DPH6: variants seen among roughly 807,000 people sequenced by gnomAD.
The protein encoded by DPH6 is diphthamine biosynthesis 6.
In DPH6, 33 loss-of-function variants were observed where a neutral mutation model predicts 38.2. The observed-to-expected ratio is 0.86, with a 90% CI of 0.65 to 1.15. The LOEUF is 1.15. DPH6 is among the 50% of genes most tolerant of loss of function. DPH6 has a pLI of 0.00. For synonymous variants in DPH6, 108 were observed against 103.0 expected, an observed-to-expected ratio of 1.05 and a Z score of -0.30; for missense variants, 325 against 320.0, an observed-to-expected ratio of 1.02 and a Z score of -0.12.
the DPH6 span, among the ~76,000 whole-genome samples, chr15:35,149,990 G>A: frequency 1.3e-5 from 2 of 152,252 alleles, no homozygotes; most frequent in African/African-American, 2.4e-5. Context: ...ATGCGATCCC[G>A]ATGCTTGTTC....
chr15:35,498,548 C>A (rs1291102489), intron 3 of DPH6, among the ~76,000 whole-genome samples: 1 of 152,128 alleles, frequency 6.6e-6, no homozygotes, highest in Non-Finnish European at 1.5e-5. Context: ...ACACCTCCCC[C>A]ACTTCCCAGA....
At chr15:35,513,057 G>T in intron 3 of DPH6, among the ~76,000 whole-genome samples, 1 of 151,666 alleles carries the variant, frequency 6.6e-6, no homozygotes, top group South Asian at 2.1e-4. Context: ...AGATTTTCAC[G>T]GCATAGAAAA....
chr15:35,281,813 C>G (rs77269476), intron 3 of DPH6, among the ~76,000 whole-genome samples: 92 of 152,318 alleles, frequency 6.0e-4, no homozygotes, highest in Non-Finnish European at 1.2e-3. Flanking sequence ...GAGATATCTA[C>G]CGTAGATACC....
chr15:35,391,001 G>C (rs1183562735), intron 6 of DPH6, among the ~76,000 whole-genome samples: 2 of 152,190 alleles, frequency 1.3e-5, no homozygotes, highest in Non-Finnish European at 2.9e-5. Flanking sequence ...TGATGATGGT[G>C]ACGTACAGAT....
rs2051596131 is a variant in DPH6, at chr15:35,241,216, C to CTCTGT, written n.201-20635_201-20634insACAGA. On this transcript the variant is annotated intron_variant and non_coding_transcript_variant, in intron 3 of 3. Coordinates refer to the DPH6 transcript ENST00000560386. ...CCAAGGCTCTCTGACTGACTCCTTC[C>CTCTGT]CAGATCTTCTCGGCTTAGCAGCTGA... Among the ~76,000 whole-genome samples the CTCTGT allele has an allele frequency of 1.4e-5, 2 of 143,860 alleles. 1 individual carries two copies. The highest frequency in any genetic ancestry group is 1.5e-4 in the Admixed American group (2 of 13,358). 94.4% of individuals were successfully genotyped at this position (143,860 alleles called of 152,430 possible).
At chr15:35,532,883 C>T (rs2055108804) in intron 3 of DPH6, among the ~76,000 whole-genome samples, 1 of 151,960 alleles carries the variant, frequency 6.6e-6, no homozygotes, top group South Asian at 2.1e-4. Flanking sequence ...GCAGGCAGAT[C>T]ACCTGAAGTC....
downstream of DPH6, among the ~76,000 whole-genome samples, chr15:35,217,115 G>A (rs555633376): frequency 4.3e-4 from 65 of 152,200 alleles, no homozygotes; most frequent in African/African-American, 1.4e-3. Context: ...AGTAGAGGAG[G>A]ACAAATAGAA....
rs1349511737 is a variant in DPH6 at position 35,374,253 on chromosome 15, A to G, written c.663-645T>C. On this transcript the variant is annotated intron_variant, in intron 7 of 8. Coordinates refer to ENST00000256538, the MANE Select transcript of DPH6 (RefSeq NM_080650.4). ...TAACTAAGATTATGTGTAAAGTTCT[A>G]ATAATGAATTATTTTTTATTGTTTA... 3.3e-5 allele frequency among the ~76,000 whole-genome samples: 5 copies of G among 152,112 alleles called. No homozygotes were observed. The East Asian group carries it at 9.6e-4, about 29-fold the overall frequency.
At chr15:35,325,689 A>G (rs1595479779) in intron 3 of DPH6, among the ~76,000 whole-genome samples, 1 of 152,176 alleles carries the variant, frequency 6.6e-6, no homozygotes, top group East Asian at 1.9e-4. Flanking sequence ...TTTCTTAAAG[A>G]GGACATTGAA....
the DPH6 span, among the ~76,000 whole-genome samples, chr15:35,171,517 G>A: frequency 2.4e-4 from 37 of 152,144 alleles, no homozygotes; most frequent in Admixed American, 1.2e-3. Context: ...ATTGTTGTCC[G>A]TAATTGCCAA....
intron 5 of DPH6, among the ~76,000 whole-genome samples, chr15:35,448,200 G>T (rs1300417098): frequency 6.6e-6 from 1 of 151,162 alleles, no homozygotes; most frequent in African/African-American, 2.4e-5. Flanking sequence ...TTTGTTTTTT[G>T]CCATGAGGTC....
At chr15:35,536,590 T>C (rs1269806537) in intron 3 of DPH6, among the ~76,000 whole-genome samples, 1 of 152,040 alleles carries the variant, frequency 6.6e-6, no homozygotes, top group Non-Finnish European at 1.5e-5. Flanking sequence ...TTATTATTAA[T>C]TGTAATTTAT....
chr15:35,183,026 G>A, the DPH6 span, among the ~76,000 whole-genome samples: 1 of 152,138 alleles, frequency 6.6e-6, no homozygotes, highest in Non-Finnish European at 1.5e-5. Flanking sequence ...AACTGAAACT[G>A]AGAACTCTAG....
At chr15:35,220,868 G>A (rs72625176) in intron 3 of DPH6, among the ~76,000 whole-genome samples, 11,959 of 151,920 alleles carry the variant, frequency 0.079, 873 homozygotes, top group East Asian at 0.42. Flanking sequence ...TTATACATTC[G>A]TTTCAACCCA....
At chr15:35,539,985 T>A (rs1041143073) in intron 2 of DPH6, among the ~76,000 whole-genome samples, 2 of 152,074 alleles carry the variant, frequency 1.3e-5, no homozygotes, top group Non-Finnish European at 2.9e-5. Flanking sequence ...TTCGGCCTTC[T>A]CTCGTCTCAA....
downstream of DPH6, among the ~76,000 whole-genome samples, chr15:35,214,482 C>T (rs1284405275): frequency 6.6e-6 from 1 of 152,272 alleles, no homozygotes; most frequent in South Asian, 2.1e-4. Flanking sequence ...TCTATTACTC[C>T]CCACTTTCTA....
At chr15:35,183,818 T>C in the DPH6 span, among the ~76,000 whole-genome samples, 3 of 152,222 alleles carry the variant, frequency 2.0e-5, no homozygotes, top group Non-Finnish European at 2.9e-5. Context: ...TATACAATGT[T>C]AAAATAGAAC....
exon 4 of DPH6, chr15:35,218,703 C>T (rs1485010926): frequency 6.6e-6 from 1 of 151,840 alleles, no homozygotes; most frequent in Non-Finnish European, 1.5e-5. Flanking sequence ...AATTATGAAA[C>T]GTGAGATCTT....
rs114544976 is a variant in DPH6 at position 35,290,996 on chromosome 15, G to A, written n.201-70414C>T. 8.3e-3 allele frequency among the ~76,000 whole-genome samples: 1,255 copies of A among 151,966 alleles called. 20 individuals are homozygous for A. Among genetic ancestry groups the A allele is most frequent in the African/African-American group, 0.028 (1,174 of 41,474 alleles). The stretch of plus-strand genomic sequence containing the variant: ...GACAATAAGTGAAGTTGCTTACCTA[G>A]GCTCCAAAACCATTAGCCAAAAACT... On this transcript the variant is annotated intron_variant and non_coding_transcript_variant, in intron 3 of 3. Transcript: ENST00000560386.
Sources: gnomAD v4.1 joint callset for allele counts (sites outside exome capture counted in the v4.1 genomes callset) on GRCh38, gnomAD v4.1.1 for gene constraint, MANE v1.5 for transcripts, NCBI Gene and HGNC (gene_info 2026-07-23, HGNC 2026-07-21) for gene names.